DLGAP2: variants seen among roughly 807,000 people sequenced by gnomAD.
The protein encoded by DLGAP2 is disks large-associated protein 2.
DLGAP2 carries 26 observed loss-of-function variants against 100.3 expected under a neutral mutation model. The observed-to-expected ratio is 0.26, with a 90% CI of 0.19 to 0.36. The LOEUF (loss-of-function observed/expected upper bound fraction) is 0.36, where lower values mean the gene tolerates loss of function less well. Among genes scored for constraint, DLGAP2 ranks in the 10% least tolerant of loss-of-function variants. The pLI is 1.00. For synonymous variants in DLGAP2, 886 were observed against 630.1 expected, an observed-to-expected ratio of 1.41 and a Z score of -6.08; for missense variants, 1,858 against 1,453.2, an observed-to-expected ratio of 1.28 and a Z score of -4.53.
intron 2 of DLGAP2, among the ~76,000 whole-genome samples, chr8:946,970 G>A (rs983350225): frequency 5.9e-5 from 9 of 152,188 alleles, no homozygotes. Context: ...GCTCTGGGAC[G>A]TCGGGTAGCA....
Position 1,512,281 on chromosome 8 carries a change from A to G in DLGAP2, c.172+10850A>G, listed in dbSNP as rs150391054. Among the ~76,000 whole-genome samples the G allele has an allele frequency of 2.8e-3, 424 of 152,330 alleles. 4 individuals carry two copies. Among genetic ancestry groups the G allele is most frequent in the African/African-American group, 9.7e-3 (403 of 41,570 alleles). ...GAAACAAATGTCCCATAAACTTAAA[A>G]ATAACCCATGAATGTTATTACACTT... On this transcript the variant is annotated intron_variant, in intron 4 of 14. Coordinates refer to ENST00000637795, the MANE Select transcript of DLGAP2 (RefSeq NM_001346810.2).
At chr8:1,431,836 T>A (rs764344138) in intron 3 of DLGAP2, among the ~76,000 whole-genome samples, 89 of 152,228 alleles carry the variant, frequency 5.8e-4, no homozygotes, top group Non-Finnish European at 8.8e-4. Flanking sequence ...TCCGTGTCGA[T>A]GGCCACCAAG....
chr8:1,465,967 G>A (rs2130177464), intron 3 of DLGAP2, among the ~76,000 whole-genome samples: 2 of 152,328 alleles, frequency 1.3e-5, no homozygotes, highest in South Asian at 4.1e-4. Context: ...TGAACGGAGT[G>A]GGAGGTCAGA....
At chr8:1,595,547 G>C (rs1031464394) in intron 6 of DLGAP2, among the ~76,000 whole-genome samples, 152 of 150,916 alleles carry the variant, frequency 1.0e-3, no homozygotes, top group African/African-American at 3.5e-3. Flanking sequence ...GGCGCCTGTA[G>C]TCCCAGCTAC....
rs151114276 is a variant in DLGAP2 at position 1,497,423 on chromosome 8, C to G, written c.107-3943C>G. Among the ~76,000 whole-genome samples, 346 of 152,290 alleles carry G rather than the reference C, an allele frequency of 2.3e-3. 1 individual carries two copies. Among genetic ancestry groups the G allele is most frequent in the African/African-American group, 7.7e-3 (322 of 41,568 alleles). ...AGAACGTCTCAGAGCGCAGAGAGAG[C>G]TGTAGTTGTATGACAGCAGCCAACG... On this transcript the variant is annotated intron_variant, in intron 3 of 14. Coordinates refer to ENST00000637795, the MANE Select transcript of DLGAP2 (RefSeq NM_001346810.2).
chr8:1,451,045 C>T (rs1486831552), intron 3 of DLGAP2, among the ~76,000 whole-genome samples: 1 of 152,074 alleles, frequency 6.6e-6, no homozygotes, highest in African/African-American at 2.4e-5. Flanking sequence ...TGGCAGAGCT[C>T]CTGTGGTCCC....
At chr8:791,290 G>C (rs1214818389) in intron 1 of DLGAP2, among the ~76,000 whole-genome samples, 1 of 152,202 alleles carries the variant, frequency 6.6e-6, no homozygotes, top group African/African-American at 2.4e-5. Flanking sequence ...TCTGGGAATT[G>C]TGTCACTGCC....
intron 3 of DLGAP2, among the ~76,000 whole-genome samples, chr8:1,379,229 C>T (rs1280292042): frequency 1.3e-5 from 2 of 152,246 alleles, no homozygotes; most frequent in Non-Finnish European, 2.9e-5. Context: ...CAAATTTTAG[C>T]TCACGTCCAT....
intron 2 of DLGAP2, among the ~76,000 whole-genome samples, chr8:1,215,742 C>T (rs1798199214): frequency 1.1e-5 from 1 of 88,682 alleles, no homozygotes; most frequent in Non-Finnish European, 2.1e-5. Flanking sequence ...CTGGAGACGT[C>T]CAGGTACCTG....
At chr8:904,201 G>A (rs1045075119) in intron 1 of DLGAP2, among the ~76,000 whole-genome samples, 2 of 152,226 alleles carry the variant, frequency 1.3e-5, no homozygotes, top group Non-Finnish European at 1.5e-5. Context: ...CAGATTTCAG[G>A]TTTTAACTGA....
intron 3 of DLGAP2, among the ~76,000 whole-genome samples, chr8:1,337,435 A>G (rs1274702058): frequency 7.7e-6 from 1 of 129,072 alleles, no homozygotes; most frequent in African/African-American, 2.9e-5. Flanking sequence ...GGTGATGGTG[A>G]TGATGATGAT....
At chr8:881,166 T>G (rs1157297407) in intron 1 of DLGAP2, among the ~76,000 whole-genome samples, 5 of 152,210 alleles carry the variant, frequency 3.3e-5, no homozygotes, top group African/African-American at 1.2e-4. Context: ...TTAAAACAAT[T>G]CAGGAAAGTT....
intron 2 of DLGAP2, among the ~76,000 whole-genome samples, chr8:979,108 G>T (rs949477874): frequency 3.3e-5 from 5 of 152,044 alleles, no homozygotes; most frequent in Admixed American, 3.3e-4. Flanking sequence ...TTGGGGGTGG[G>T]GGATGGCGAG....
chr8:1,409,473 A>G (rs1282865942), intron 3 of DLGAP2, among the ~76,000 whole-genome samples: 1 of 152,222 alleles, frequency 6.6e-6, no homozygotes, highest in Non-Finnish European at 1.5e-5. Flanking sequence ...CTGATTTCAG[A>G]AATTCTCCAG....
At chr8:1,315,288 C>A (rs796682431) in intron 3 of DLGAP2, among the ~76,000 whole-genome samples, 2 of 145,926 alleles carry the variant, frequency 1.4e-5, no homozygotes, top group Non-Finnish European at 3.1e-5. Flanking sequence ...AAAAATAGAG[C>A]CTGTGCGAGT....
intron 2 of DLGAP2, among the ~76,000 whole-genome samples, chr8:1,200,058 A>T (rs1220316691): frequency 6.6e-6 from 1 of 151,980 alleles, no homozygotes; most frequent in Non-Finnish European, 1.5e-5. Flanking sequence ...CAGGAGGATG[A>T]GGACGACTCC....
intron 2 of DLGAP2, among the ~76,000 whole-genome samples, chr8:1,191,315 C>G (rs1269328651): frequency 6.6e-6 from 1 of 151,862 alleles, no homozygotes; most frequent in East Asian, 1.9e-4. Context: ...GGACTACAGG[C>G]ACCCGCCACC....
rs114555675 is a variant in DLGAP2 at position 1,217,337 on chromosome 8, T to C, written c.74-41514T>C. On this transcript the variant is annotated intron_variant, in intron 2 of 14. Transcript: ENST00000637795. ...TATTCCATCATGCATATGCACCACA[T>C]TTTCTGTACCTAGTTCATCATTGCT... 5.9e-3 allele frequency among the ~76,000 whole-genome samples: 899 copies of C among 152,310 alleles called. 7 individuals carry two copies. The highest frequency in any genetic ancestry group is 0.02 in the African/African-American group (820 of 41,568).
chr8:1,489,356 C>T (rs551596840), intron 3 of DLGAP2, among the ~76,000 whole-genome samples: 37 of 152,266 alleles, frequency 2.4e-4, no homozygotes, highest in Admixed American at 5.2e-4. Flanking sequence ...AGTGGATGAG[C>T]GAGGGACTGT....
Sources: allele counts gnomAD v4.1 joint callset (sites outside exome capture counted in the v4.1 genomes callset), GRCh38; gene constraint gnomAD v4.1.1; transcripts MANE v1.5; gene names NCBI Gene and HGNC (gene_info 2026-07-23, HGNC 2026-07-21).